The following CIROZ variants were observed in gnomAD, a reference collection of about 807,000 sequenced individuals.
CIROZ encodes the protein ciliated left-right organizer ZP-N domains-containing protein.
chr1:10,981,421 A>C, the CIROZ span, among the ~76,000 whole-genome samples: 2 of 152,128 alleles, frequency 1.3e-5, no homozygotes, highest in Admixed American at 6.6e-5. Flanking sequence ...ACTGCACTCC[A>C]GCCTGGGCAA....
chr1:10,972,461 ACACACT>A, the CIROZ span, among the ~76,000 whole-genome samples: 8 of 150,042 alleles, frequency 5.3e-5, no homozygotes, highest in African/African-American at 2.0e-4. Context: ...ACACACACAC[ACACACT>A]CTAGAATTAT....
At chr1:10,953,873 A>G in the CIROZ span, 1 of 1,194,244 alleles carries the variant, frequency 8.4e-7, no homozygotes, top group African/African-American at 1.6e-5. Flanking sequence ...TATGTCTGAC[A>G]CCTCACTTAC....
At chr1:10,973,215 A>T in the CIROZ span, among the ~76,000 whole-genome samples, 1 of 152,110 alleles carries the variant, frequency 6.6e-6, no homozygotes, top group Non-Finnish European at 1.5e-5. Context: ...TCTACTAAAA[A>T]TACAAAAATT....
At chr1:10,964,414 A>G in the CIROZ span, 1 of 1,037,250 alleles carries the variant, frequency 9.6e-7, no homozygotes, top group Non-Finnish European at 1.4e-6. Context: ...GGGATGGGAA[A>G]CGAGACCAAG....
At chr1:10,950,655 CCT>C in the CIROZ span, among the ~76,000 whole-genome samples, 4 of 152,330 alleles carry the variant, frequency 2.6e-5, no homozygotes, top group Non-Finnish European at 5.9e-5. Context: ...GGTAGGATCC[CCT>C]GAGTCATGAC....
chr1:10,975,748 C>CT, the CIROZ span, among the ~76,000 whole-genome samples: 1 of 152,038 alleles, frequency 6.6e-6, no homozygotes, highest in Admixed American at 6.6e-5. Flanking sequence ...GAAATCCTGG[C>CT]TCTGCTACTC....
At chr1:10,946,904 C>T in the CIROZ span, among the ~76,000 whole-genome samples, 1 of 152,214 alleles carries the variant, frequency 6.6e-6, no homozygotes, top group African/African-American at 2.4e-5. Flanking sequence ...CAACAACCCC[C>T]AGAGATGTCT....
chr1:10,948,812 T>C, the CIROZ span: 1 of 1,510,924 alleles, frequency 6.6e-7, no homozygotes, highest in Non-Finnish European at 8.8e-7. Context: ...TTCTCGCCGG[T>C]TTGGCTGTTT....
the CIROZ span, chr1:10,954,971 G>C: frequency 1.3e-6 from 2 of 1,584,128 alleles, no homozygotes; most frequent in South Asian, 2.3e-5. Flanking sequence ...GCGAGACAGA[G>C]ATGCCACCGG....
the CIROZ span, chr1:10,948,154 G>T: frequency 1.2e-6 from 2 of 1,613,676 alleles, no homozygotes; most frequent in African/African-American, 1.3e-5. Flanking sequence ...TCCCTCGCTG[G>T]CAGGATGGAG....
the CIROZ span, chr1:10,947,671 A>G: frequency 6.7e-7 from 1 of 1,500,530 alleles, no homozygotes; most frequent in Non-Finnish European, 8.9e-7. Flanking sequence ...GCTCAGCGTG[A>G]GGGCCTCTCA....
chr1:10,975,766 T>C, the CIROZ span, among the ~76,000 whole-genome samples: 1 of 152,196 alleles, frequency 6.6e-6, no homozygotes, highest in African/African-American at 2.4e-5. Flanking sequence ...CTCATTGCTA[T>C]GGGACCTTAG....
At chr1:10,970,501 T>C in the CIROZ span, among the ~76,000 whole-genome samples, 1 of 152,060 alleles carries the variant, frequency 6.6e-6, no homozygotes, top group Non-Finnish European at 1.5e-5. Context: ...TGGTGGCGCA[T>C]GCCTGTAATC....
the CIROZ span, chr1:10,947,680 C>T: frequency 6.6e-7 from 1 of 1,508,716 alleles, no homozygotes; most frequent in Non-Finnish European, 8.9e-7. Flanking sequence ...GAGGGCCTCT[C>T]AGAAAGCCCC....
the CIROZ span, among the ~76,000 whole-genome samples, chr1:10,962,796 A>G: frequency 9.2e-5 from 14 of 152,332 alleles, no homozygotes; most frequent in African/African-American, 2.9e-4. Flanking sequence ...AGTGAGTAGA[A>G]CGGCACCCAG....
the CIROZ span, chr1:10,947,902 C>A: frequency 6.2e-7 from 1 of 1,613,700 alleles, no homozygotes; most frequent in South Asian, 1.1e-5. Context: ...CCCCACTCCT[C>A]CTGGCCCACA....
chr1:10,948,142 C>T, the CIROZ span: 15 of 1,613,508 alleles, frequency 9.3e-6, no homozygotes, highest in African/African-American at 1.3e-5. Context: ...GAGAATGTGG[C>T]ATCCCTCGCT....
the CIROZ span, among the ~76,000 whole-genome samples, chr1:10,964,849 T>C: frequency 2.2e-4 from 34 of 152,306 alleles, 1 homozygote; most frequent in Admixed American, 1.8e-3. Flanking sequence ...CAGGCTGGTG[T>C]TGAACTCCTG....
chr1:10,946,857 G>A, the CIROZ span: 1 of 152,274 alleles, frequency 6.6e-6, no homozygotes, highest in Non-Finnish European at 1.5e-5. Context: ...CAAGGCCTGG[G>A]GAGGGGGTAA....
Sources: allele counts gnomAD v4.1 joint callset (sites outside exome capture counted in the v4.1 genomes callset), GRCh38; gene constraint gnomAD v4.1.1; transcripts MANE v1.5; gene names NCBI Gene and HGNC (gene_info 2026-07-23, HGNC 2026-07-21).